Variants in FAT3 observed in about 807,000 individuals in gnomAD.
FAT3 encodes FAT atypical cadherin 3, also known as protocadherin Fat 3.
FAT3 carries 95 observed loss-of-function variants against 310.2 expected under a neutral mutation model. That is an observed-to-expected ratio of 0.31 (90% CI 0.26 to 0.36). The LOEUF (loss-of-function observed/expected upper bound fraction) is 0.36. Among genes scored for constraint, FAT3 ranks in the 10% least tolerant of loss-of-function variants. FAT3 has a pLI of 1.00. For synonymous variants in FAT3, 2,314 were observed against 2,192.9 expected (o/e 1.06, Z -1.54); for missense variants, 5,408 against 5,715.6 (o/e 0.95, Z 1.74).
chr11:92,623,610 C>G (rs1022517758), intron 3 of FAT3, among the ~76,000 whole-genome samples: 1 of 152,142 alleles, frequency 6.6e-6, no homozygotes, highest in South Asian at 2.1e-4. Flanking sequence ...TTAATTATAA[C>G]ATTTAGGGTG....
intron 3 of FAT3, among the ~76,000 whole-genome samples, chr11:92,593,457 T>C (rs1258366167): frequency 6.6e-6 from 1 of 152,010 alleles, no homozygotes; most frequent in Non-Finnish European, 1.5e-5. Flanking sequence ...TTTTTTTTAA[T>C]ATTAGCCATC....
At chr11:92,847,200 G>C (rs901530294) in intron 19 of FAT3, among the ~76,000 whole-genome samples, 2 of 152,234 alleles carry the variant, frequency 1.3e-5, no homozygotes, top group Non-Finnish European at 2.9e-5. Flanking sequence ...CATGTATACA[G>C]TGGTAGTCCC....
At chr11:92,629,481 G>A (rs955304757) in intron 3 of FAT3, among the ~76,000 whole-genome samples, 2 of 148,828 alleles carry the variant, frequency 1.3e-5, no homozygotes, top group Non-Finnish European at 1.5e-5. Flanking sequence ...CTAGGCTGGA[G>A]TATGGCCTCA....
intron 3 of FAT3, among the ~76,000 whole-genome samples, chr11:92,599,357 C>A (rs1939892253): frequency 6.6e-6 from 1 of 152,120 alleles, no homozygotes; most frequent in African/African-American, 2.4e-5. Flanking sequence ...TATAAAACCA[C>A]CAGATCTTGG....
At chr11:92,413,804 T>G (rs1364074829) in intron 2 of FAT3, among the ~76,000 whole-genome samples, 1 of 152,214 alleles carries the variant, frequency 6.6e-6, no homozygotes, top group Non-Finnish European at 1.5e-5. Flanking sequence ...CCATATATGT[T>G]GACAGGCGGG....
intron 4 of FAT3, among the ~76,000 whole-genome samples, chr11:92,726,896 A>G (rs575785575): frequency 6.6e-6 from 1 of 152,200 alleles, no homozygotes; most frequent in Non-Finnish European, 1.5e-5. Context: ...ATAAGAGAAC[A>G]GGACACTATC....
chr11:92,599,444 A>C (rs570720926), intron 3 of FAT3, among the ~76,000 whole-genome samples: 4 of 152,236 alleles, frequency 2.6e-5, no homozygotes, highest in Admixed American at 6.5e-5. Flanking sequence ...CTCCCACGAC[A>C]TGAGAGGATT....
At chr11:92,445,589 T>C (rs143888994) in intron 2 of FAT3, among the ~76,000 whole-genome samples, 52 of 152,290 alleles carry the variant, frequency 3.4e-4, no homozygotes, top group African/African-American at 1.2e-3. Flanking sequence ...TGAGTATCTA[T>C]GTTTAAGACA....
intron 3 of FAT3, among the ~76,000 whole-genome samples, chr11:92,587,293 C>G (rs1051367955): frequency 6.6e-6 from 1 of 151,836 alleles, no homozygotes; most frequent in African/African-American, 2.4e-5. Flanking sequence ...ACAGTAGATC[C>G]CATGCACTAC....
At chr11:92,835,321 A>C (rs1948378354) in intron 15 of FAT3, among the ~76,000 whole-genome samples, 1 of 152,214 alleles carries the variant, frequency 6.6e-6, no homozygotes. Flanking sequence ...CTTATTTCCC[A>C]GGAGCATATC....
chr11:92,403,666 C>T (rs375324363), intron 2 of FAT3, among the ~76,000 whole-genome samples: 34 of 152,192 alleles, frequency 2.2e-4, no homozygotes, highest in African/African-American at 6.3e-4. Context: ...AGGCCCAGGG[C>T]GGGGGAATGT....
chr11:92,717,362 G>A (rs186871007), intron 4 of FAT3, among the ~76,000 whole-genome samples: 1 of 152,292 alleles, frequency 6.6e-6, no homozygotes, highest in Non-Finnish European at 1.5e-5. Flanking sequence ...TTCAGCTAAA[G>A]GGCATATATA....
chr11:92,681,050 A>AT (rs1943468258), intron 3 of FAT3, among the ~76,000 whole-genome samples: 1 of 152,258 alleles, frequency 6.6e-6, no homozygotes. Flanking sequence ...GTTTGGAAGT[A>AT]TTTTTTATAT....
At position 92,444,092 on chromosome 11, in the gene FAT3, TAATTC is replaced by T. The variant is rs199951896; in HGVS notation, c.3293-80540_3293-80536del. ...TCTACCAAAATTTGATTCCAAATCT[TAATTC>T]ATATCTCTAAATGTATGAATAAAAT... is the stretch of plus-strand genomic sequence containing the variant. On this transcript the variant is annotated intron_variant, in intron 2 of 27. Coordinates refer to ENST00000525166, the MANE Select transcript of FAT3 (RefSeq NM_001367949.2). 2.0e-4 allele frequency among the ~76,000 whole-genome samples: 31 copies of T among 152,326 alleles called. No homozygotes were observed. In the East Asian group the frequency reaches 3.7e-3, roughly 18 times the overall value.
intron 6 of FAT3, among the ~76,000 whole-genome samples, chr11:92,767,484 A>C (rs901443688): frequency 2.0e-5 from 3 of 151,792 alleles, no homozygotes; most frequent in African/African-American, 7.3e-5. Flanking sequence ...CATCCCACCT[A>C]CCACCCATGT....
chr11:92,327,609 T>C (rs1169883298), intron 1 of FAT3, among the ~76,000 whole-genome samples: 6 of 152,222 alleles, frequency 3.9e-5, no homozygotes, highest in Non-Finnish European at 7.3e-5. Flanking sequence ...ATCTTTCCCA[T>C]TGCTTGTGGC....
chr11:92,559,213 A>T (rs530483), intron 3 of FAT3, among the ~76,000 whole-genome samples: 1 of 151,880 alleles, frequency 6.6e-6, no homozygotes, highest in Non-Finnish European at 1.5e-5. Flanking sequence ...AATGGTTTTT[A>T]GATATATTCA....
At chr11:92,340,960 G>A (rs1298514042) in intron 1 of FAT3, among the ~76,000 whole-genome samples, 1 of 152,156 alleles carries the variant, frequency 6.6e-6, no homozygotes, top group Admixed American at 6.5e-5. Flanking sequence ...CTCTTAGGAT[G>A]AGCTCCATCA....
intron 1 of FAT3, among the ~76,000 whole-genome samples, chr11:92,344,187 G>A (rs1174347672): frequency 2.0e-5 from 3 of 152,154 alleles, no homozygotes; most frequent in Non-Finnish European, 4.4e-5. Context: ...ACTTCCCAAT[G>A]TCTCACTTAT....
Sources: allele counts gnomAD v4.1 joint callset (sites outside exome capture counted in the v4.1 genomes callset), GRCh38; gene constraint gnomAD v4.1.1; transcripts MANE v1.5; gene names NCBI Gene and HGNC (gene_info 2026-07-23, HGNC 2026-07-21).